ADGRB1: variants seen among roughly 807,000 people sequenced by gnomAD.
The protein encoded by ADGRB1 is brain-specific angiogenesis inhibitor 1.
ADGRB1 carries 36 observed loss-of-function variants against 175.7 expected under a neutral mutation model. The ratio of observed to expected loss-of-function variants is 0.20; its 90% CI spans 0.16 to 0.27. ADGRB1 has a LOEUF of 0.27. Among genes scored for constraint, ADGRB1 ranks in the 10% least tolerant of loss-of-function variants. ADGRB1 has a pLI of 1.00. For synonymous variants in ADGRB1, 1,054 were observed against 979.4 expected, an observed-to-expected ratio of 1.08 and a Z score of -1.42; for missense variants, 1,731 against 2,255.3, an observed-to-expected ratio of 0.77 and a Z score of 4.71.
chr8:142,479,812 C>G lies in ADGRB1; in HGVS notation c.1828+18C>G, dbSNP rs940116770. 8 of 1,602,208 alleles carry G rather than the reference C, an allele frequency of 5.0e-6. No individual in the cohort carries two copies. The African/African-American group carries it at 1.1e-4, about 22-fold the overall frequency. On this transcript the variant is annotated intron_variant, in intron 9 of 30. Coordinates refer to ENST00000517894, the MANE Select transcript of ADGRB1 (RefSeq NM_001702.3). ...CGCCACAGGTGAGGGCTGGAGAGCACGTGGTGTATGGGGGCTCCCGTCCTG... is the reference window on the plus strand; with the variant it reads ...CGCCACAGGTGAGGGCTGGAGAGCAGGTGGTGTATGGGGGCTCCCGTCCTG...
At chr8:142,459,062 C>A (rs1839833367) in intron 1 of ADGRB1, among the ~76,000 whole-genome samples, 1 of 152,252 alleles carries the variant, frequency 6.6e-6, no homozygotes, top group Non-Finnish European at 1.5e-5. Context: ...GCCTCTCCCA[C>A]CCTGTCACCT....
chr8:142,525,502 C>G (rs1355041660), intron 23 of ADGRB1, among the ~76,000 whole-genome samples: 1 of 152,188 alleles, frequency 6.6e-6, no homozygotes, highest in African/African-American at 2.4e-5. Flanking sequence ...AGTGGTCCGT[C>G]ACTGGTGTCC....
At chr8:142,505,872 A>G (rs932716104) in intron 17 of ADGRB1, among the ~76,000 whole-genome samples, 1 of 152,110 alleles carries the variant, frequency 6.6e-6, no homozygotes, top group Non-Finnish European at 1.5e-5. Context: ...ATTTTCAGAT[A>G]AAGGCTGGTG....
At chr8:142,459,088 G>A (rs905394444) in intron 1 of ADGRB1, among the ~76,000 whole-genome samples, 4 of 152,230 alleles carry the variant, frequency 2.6e-5, no homozygotes, top group Admixed American at 6.5e-5. Flanking sequence ...CGGGATGCCC[G>A]GAGCTTTCTG....
chr8:142,542,587 C>A lies in ADGRB1; in HGVS notation c.4353C>A (p.Pro1451=), dbSNP rs1319525175. The A allele has an allele frequency of 6.5e-7, 1 of 1,543,380 alleles. No homozygotes were observed. The highest frequency in any genetic ancestry group is 1.2e-5 in the South Asian group (1 of 83,832). Residue 1451 remains proline (P), a synonymous_variant, in exon 28 of 31, where the codon CCC becomes CCA. Coordinates refer to ENST00000517894, the MANE Select transcript of ADGRB1 (RefSeq NM_001702.3). This position sits in a 1 kb window ranked among gnomAD's most constrained non-coding sequence, Gnocchi z 6.3. The stretch of plus-strand genomic sequence containing the variant: ...GGGAGCCTGCCGCCCATCCGGGACC[C>A]AGCACGGGGCCCAGCACCAAGAACG... ...DPGEPAAHPG[P]STGPSTKNEN...
chr8:142,536,778 T>C lies in ADGRB1; in HGVS notation c.3571-209T>C, dbSNP rs1844951072. On this transcript the variant is annotated intron_variant, in intron 25 of 30. Transcript: ENST00000517894. Reference sequence around the variant, plus strand: ...AATCTCAGACAGGAGAGGGGTAGGCTGTTCCCCTCCTGGGGTCTCTTTTCC... The same window carrying C: ...AATCTCAGACAGGAGAGGGGTAGGCCGTTCCCCTCCTGGGGTCTCTTTTCC... 2.0e-5 allele frequency among the ~76,000 whole-genome samples: 3 copies of C among 152,060 alleles called. No individual in the cohort carries two copies. In the South Asian group the frequency reaches 6.2e-4, roughly 32 times the overall value.
intron 2 of ADGRB1, among the ~76,000 whole-genome samples, chr8:142,469,692 T>G (rs1472833233): frequency 6.8e-6 from 1 of 147,580 alleles, no homozygotes; most frequent in African/African-American, 2.4e-5. Flanking sequence ...TGTGTGAATG[T>G]GTGCGTGCCT....
chr8:142,463,447 C>T (rs1002284686), intron 1 of ADGRB1, among the ~76,000 whole-genome samples: 14 of 152,252 alleles, frequency 9.2e-5, no homozygotes, highest in Admixed American at 8.5e-4. Context: ...GGGAATGGCC[C>T]GAGTAACCTT....
In ADGRB1 at chr8:142,532,520, G is replaced by A. The variant is rs545039920; in HGVS notation, c.3399-775G>A. 2.7e-3 allele frequency among the ~76,000 whole-genome samples: 407 copies of A among 152,276 alleles called. 4 individuals are homozygous for A. The highest frequency in any genetic ancestry group is 9.4e-3 in the African/African-American group (392 of 41,558). ...AGGAAGGGTCTACAGGCAGGTGGCC[G>A]CTGGGGCTCAGGAGGCATGGGCGGA... On this transcript the variant is annotated intron_variant, in intron 24 of 30. Transcript: ENST00000517894.
chr8:142,518,995 T>A (rs992019632), intron 19 of ADGRB1, among the ~76,000 whole-genome samples: 1 of 152,168 alleles, frequency 6.6e-6, no homozygotes, highest in Non-Finnish European at 1.5e-5. Flanking sequence ...GAGGTCAATG[T>A]GGCTGGTGGG....
chr8:142,501,893 G>T (rs1842578012), intron 17 of ADGRB1, among the ~76,000 whole-genome samples: 3 of 42,832 alleles, frequency 7.0e-5, no homozygotes, highest in Admixed American at 1.9e-4. Flanking sequence ...TGATGGTGAG[G>T]GTGATGTGGT....
chr8:142,470,429 T>C (rs1840598276), intron 2 of ADGRB1, among the ~76,000 whole-genome samples: 5 of 151,662 alleles, frequency 3.3e-5, no homozygotes, highest in Admixed American at 1.3e-4. Context: ...CCCCGTGTGG[T>C]GTGTGTGGAG....
At chr8:142,516,103 T>C (rs1028007085) in intron 18 of ADGRB1, among the ~76,000 whole-genome samples, 3 of 152,130 alleles carry the variant, frequency 2.0e-5, no homozygotes, top group Non-Finnish European at 4.4e-5. Context: ...AGCTTGGCCC[T>C]GGAGGCGAGT....
rs1057074610 is a variant in ADGRB1, at chr8:142,504,053, G to A, written c.2676-6879G>A. On this transcript the variant is annotated intron_variant, in intron 17 of 30. Transcript: ENST00000517894. This position sits in a 1 kb window ranked among gnomAD's most constrained non-coding sequence, Gnocchi z 5.6. ...GGCTCCAGCGTCATCTGGCAAGCTGGGTTCAGTAAGACCCAGGTCAGGCAG... is the reference window on the plus strand; with the variant it reads ...GGCTCCAGCGTCATCTGGCAAGCTGAGTTCAGTAAGACCCAGGTCAGGCAG... 2.0e-5 allele frequency among the ~76,000 whole-genome samples: 3 copies of A among 152,212 alleles called. No individual in the cohort carries two copies. The highest frequency in any genetic ancestry group is 7.2e-5 in the African/African-American group (3 of 41,452).
At chr8:142,495,139 T>C (rs1842153737) in intron 17 of ADGRB1, among the ~76,000 whole-genome samples, 1 of 152,092 alleles carries the variant, frequency 6.6e-6, no homozygotes, top group South Asian at 2.1e-4. Flanking sequence ...GGGTTCTTGG[T>C]AGGCAGTGTG....
intron 24 of ADGRB1, among the ~76,000 whole-genome samples, chr8:142,527,650 G>A (rs889863329): frequency 2.6e-5 from 4 of 152,034 alleles, no homozygotes; most frequent in Admixed American, 6.6e-5. Flanking sequence ...ACCTGTCCCC[G>A]GAACACCCTG....
At chr8:142,509,732 C>G (rs2132030961) in intron 17 of ADGRB1, among the ~76,000 whole-genome samples, 2 of 152,318 alleles carry the variant, frequency 1.3e-5, no homozygotes, top group East Asian at 3.9e-4. Flanking sequence ...GTCCCGGCTA[C>G]TTAGGGAGGA....
rs749405745 is a variant in ADGRB1 at position 142,478,184 on chromosome 8, C to T, written c.1388-3C>T. 92 of 1,600,560 alleles carry T rather than the reference C, an allele frequency of 5.7e-5. No individual in the cohort carries two copies. In the Middle Eastern group the frequency reaches 1.5e-3, roughly 26 times the overall value. The stretch of plus-strand genomic sequence containing the variant: ...CCCACTTTGTGTCTCCTTCCTCCCC[C>T]GGGCCGGGCAGTGGATGGAAACTGG... On this transcript the variant is annotated splice_polypyrimidine_tract_variant and splice_region_variant and intron_variant, in intron 6 of 30. Coordinates refer to ENST00000517894, the MANE Select transcript of ADGRB1 (RefSeq NM_001702.3).
chr8:142,522,983 A>C (rs1156807124), intron 22 of ADGRB1, among the ~76,000 whole-genome samples: 1 of 152,236 alleles, frequency 6.6e-6, no homozygotes, highest in Non-Finnish European at 1.5e-5. Context: ...CAGTTGGTCC[A>C]TTAGTCACTC....
Sources: gnomAD v4.1 joint callset for allele counts (sites outside exome capture counted in the v4.1 genomes callset) on GRCh38, gnomAD v4.1.1 for gene constraint, Gnocchi (gnomAD v3.1) non-coding constraint, MANE v1.5 for transcripts, NCBI Gene and HGNC (gene_info 2026-07-23, HGNC 2026-07-21) for gene names.